Variants in RRM2 observed in about 807,000 individuals in gnomAD.
RRM2 encodes ribonucleoside-diphosphate reductase subunit M2.
In RRM2, 6 loss-of-function variants were observed where a neutral mutation model predicts 45.9. The ratio of observed to expected loss-of-function variants is 0.13; its 90% CI spans 0.07 to 0.26. RRM2 has a LOEUF of 0.26. RRM2 is among the 10% of genes least tolerant of loss of function. The probability of loss-of-function intolerance (pLI) is 1.00; values close to 1 mark genes in which losing one functional copy is unlikely to be tolerated. For missense variants in RRM2, 343 were observed against 489.5 expected (o/e 0.70, Z 2.82); for synonymous variants, 177 against 173.0 (o/e 1.02, Z -0.18).
chr2:10,190,727 C>CTTGGTGATGGTGGTGATG (rs148220050), intron 3 of RRM2, among the ~76,000 whole-genome samples: 41,962 of 60,242 alleles, frequency 0.7, 17,399 homozygotes, highest in East Asian at 0.98. Flanking sequence ...GAGTGATGAT[C>CTTGGTGATGGTGGTGATG]TTGGCGGTGA....
At chr2:10,197,173 C>T (rs1355969720) in intron 3 of RRM2, among the ~76,000 whole-genome samples, 1 of 152,234 alleles carries the variant, frequency 6.6e-6, no homozygotes, top group Non-Finnish European at 1.5e-5. Context: ...CCTCAACAAT[C>T]CCTCCTTCGA....
intron 3 of RRM2, among the ~76,000 whole-genome samples, chr2:10,166,249 C>A (rs544518856): frequency 6.6e-6 from 1 of 152,224 alleles, no homozygotes; most frequent in African/African-American, 2.4e-5. Context: ...ATTAACCAGG[C>A]CTTCCAGAGC....
intron 3 of RRM2, among the ~76,000 whole-genome samples, chr2:10,163,668 C>T (rs868829009): frequency 6.6e-6 from 1 of 152,266 alleles, no homozygotes; most frequent in Admixed American, 6.5e-5. Flanking sequence ...GGGAAGTCTG[C>T]AGCCAGGCGC....
rs749263776 is a variant in RRM2, at chr2:10,195,365, G to A, written n.483-14946G>A. ...GCTGGACTTGGAAGGAAGGAAGAGC[G>A]GACACAGGGCCTCTGAGCGGACAGT... On this transcript the variant is annotated intron_variant and non_coding_transcript_variant, in intron 3 of 3. Coordinates refer to the RRM2 transcript ENST00000381786. This position sits in a 1 kb window ranked among gnomAD's most constrained non-coding sequence, Gnocchi z 4.9. Among the ~76,000 whole-genome samples the A allele has an allele frequency of 1.4e-4, 22 of 152,098 alleles. No individual in the cohort carries two copies. Among genetic ancestry groups the A allele is most frequent in the East Asian group, 3.9e-4 (2 of 5,178 alleles).
intron 3 of RRM2, among the ~76,000 whole-genome samples, chr2:10,157,621 A>T (rs913393610): frequency 6.6e-6 from 1 of 151,894 alleles, no homozygotes; most frequent in African/African-American, 2.4e-5. Flanking sequence ...TTTTGGCTTG[A>T]CTCAACATTA....
chr2:10,162,982 G>A (rs1448645964), intron 3 of RRM2, among the ~76,000 whole-genome samples: 1 of 152,196 alleles, frequency 6.6e-6, no homozygotes, highest in Non-Finnish European at 1.5e-5. Context: ...GAGTCTGCAC[G>A]GGGCTGCCAG....
Position 10,152,183 on chromosome 2 carries a change from C to T in RRM2, n.482+9808C>T, listed in dbSNP as rs899448895. Among the ~76,000 whole-genome samples, 5 of 152,156 alleles carry T rather than the reference C, an allele frequency of 3.3e-5. No homozygotes were observed. The East Asian group carries it at 7.8e-4, about 24-fold the overall frequency. ...CAGGATGGTCTCGATCTCCTGACCT[C>T]GTGATCCGCCTGCCTCGGCCTCCTA... is the stretch of plus-strand genomic sequence containing the variant. On this transcript the variant is annotated intron_variant and non_coding_transcript_variant, in intron 3 of 3. Transcript: ENST00000381786.
At position 10,199,799 on chromosome 2, in the gene RRM2, A is replaced by AC. The variant is rs1442344990; in HGVS notation, n.483-10512_483-10511insC. ...AGTCTCAAAAAAAAAAAAAAAAAAAAAAAAAAAAAACAAATCATGGTATGA... is the reference window on the plus strand; with the variant it reads ...AGTCTCAAAAAAAAAAAAAAAAAAAACAAAAAAAAAACAAATCATGGTATGA... On this transcript the variant is annotated intron_variant and non_coding_transcript_variant, in intron 3 of 3. Coordinates refer to the RRM2 transcript ENST00000381786. Among the ~76,000 whole-genome samples the AC allele has an allele frequency of 2.1e-4, 32 of 149,808 alleles. 4 individuals are homozygous for AC. The highest frequency in any genetic ancestry group is 5.9e-4 in the East Asian group (3 of 5,100).
intron 3 of RRM2, among the ~76,000 whole-genome samples, chr2:10,167,464 C>T (rs1482670504): frequency 6.6e-6 from 1 of 152,076 alleles, no homozygotes; most frequent in Non-Finnish European, 1.5e-5. Context: ...TGTGTCCGTG[C>T]CTGTGCGTAG....
At chr2:10,138,517 G>C (rs1313850590), upstream of RRM2, among the ~76,000 whole-genome samples, 1 of 151,978 alleles carries the variant, frequency 6.6e-6, no homozygotes, top group Non-Finnish European at 1.5e-5. Context: ...TGGTTGGGCT[G>C]GTCTCGAACT....
At chr2:10,132,476 C>T (rs553022429), downstream of RRM2, among the ~76,000 whole-genome samples, 1 of 152,184 alleles carries the variant, frequency 6.6e-6, no homozygotes, top group Non-Finnish European at 1.5e-5. Context: ...GCTTCCGACT[C>T]CTGTGTTCTC....
intron 3 of RRM2, among the ~76,000 whole-genome samples, chr2:10,168,958 T>C (rs1663737381): frequency 1.3e-5 from 2 of 152,196 alleles, no homozygotes; most frequent in Admixed American, 1.3e-4. Flanking sequence ...TTGCTTCTCT[T>C]AATTATTATT....
chr2:10,209,149 C>T (rs746889807), intron 3 of RRM2, among the ~76,000 whole-genome samples: 10 of 151,548 alleles, frequency 6.6e-5, no homozygotes, highest in South Asian at 2.1e-4. Context: ...CCTCTGCCTC[C>T]TGGGTTCAAG....
chr2:10,170,388 C>T (rs567872945), intron 3 of RRM2, among the ~76,000 whole-genome samples: 3 of 152,142 alleles, frequency 2.0e-5, no homozygotes, highest in Non-Finnish European at 2.9e-5. Flanking sequence ...GATCTTGCCC[C>T]GTGGTGAAAT....
intron 3 of RRM2, among the ~76,000 whole-genome samples, chr2:10,209,006 G>C (rs1383307971): frequency 6.7e-6 from 1 of 149,722 alleles, no homozygotes; most frequent in Non-Finnish European, 1.5e-5. Flanking sequence ...GGCCTCCCCA[G>C]TCAGTCCCTG....
intron 3 of RRM2, among the ~76,000 whole-genome samples, chr2:10,194,358 G>A (rs2125330277): frequency 6.6e-6 from 1 of 152,310 alleles, no homozygotes; most frequent in East Asian, 1.9e-4. Flanking sequence ...CGGGGCTCTG[G>A]GGGTAAGGCC....
intron 3 of RRM2, among the ~76,000 whole-genome samples, chr2:10,162,882 AGGGGCGGGGACCCCC>A (rs1352915760): frequency 2.0e-5 from 3 of 152,202 alleles, no homozygotes; most frequent in African/African-American, 7.2e-5. Context: ...AATGGCCTGC[AGGGGCGGGGACCCCC>A]GGGGCATGGC....
In RRM2 at chr2:10,123,404, C is replaced by T. The variant is rs986648466; in HGVS notation, c.192C>T (p.Ala64=). 2 of 1,606,314 alleles carry T rather than the reference C, an allele frequency of 1.2e-6. No individual in the cohort carries two copies. Among genetic ancestry groups the T allele is most frequent in the Admixed American group, 1.8e-5 (1 of 56,584 alleles). Residue 64 remains alanine (A), a synonymous_variant, in exon 3 of 10, where the codon GCC becomes GCT. Coordinates refer to ENST00000304567, the MANE Select transcript of RRM2 (RefSeq NM_001034.4). ...EPTEPKTKAA[A]PGVEDEPLLR... ...CCCAACAGAAAACTAAAGCAGCTGC[C>T]CCCGGCGTGGAGGATGAGCCGCTGC...
At chr2:10,209,450 C>T (rs1296680397) in intron 3 of RRM2, among the ~76,000 whole-genome samples, 2 of 152,174 alleles carry the variant, frequency 1.3e-5, no homozygotes, top group Non-Finnish European at 2.9e-5. Context: ...GGAGTAGACA[C>T]TATTGTTTTG....
Sources: allele counts gnomAD v4.1 joint callset (sites outside exome capture counted in the v4.1 genomes callset), GRCh38; gene constraint gnomAD v4.1.1; non-coding constraint Gnocchi (gnomAD v3.1); transcripts MANE v1.5; gene names NCBI Gene and HGNC (gene_info 2026-07-23, HGNC 2026-07-21).